The following DLG2 variants were observed in gnomAD, a reference collection of about 807,000 sequenced individuals.
DLG2 encodes the protein disks large homolog 2.
Under a neutral mutation model 132.5 loss-of-function variants are expected in DLG2, and 45 were observed. The ratio of observed to expected loss-of-function variants is 0.34; its 90% CI spans 0.27 to 0.44. The LOEUF is 0.44. Among genes scored for constraint, DLG2 ranks in the 20% least tolerant of loss-of-function variants. The pLI is 1.00. For missense variants in DLG2, 1,045 were observed against 1,196.9 expected (o/e 0.87, Z 1.87); for synonymous variants, 424 against 419.6 (o/e 1.01, Z -0.13).
At chr11:84,591,311 C>T (rs543059204) in intron 6 of DLG2, among the ~76,000 whole-genome samples, 57 of 145,024 alleles carry the variant, frequency 3.9e-4, no homozygotes, top group African/African-American at 1.4e-3. Flanking sequence ...AAGACCATGC[C>T]TTGTTTTTTT....
At chr11:84,502,397 T>G (rs957401145) in intron 7 of DLG2, among the ~76,000 whole-genome samples, 4 of 106,042 alleles carry the variant, frequency 3.8e-5, no homozygotes, top group Admixed American at 1.0e-4. Context: ...TTTCTTTCTT[T>G]CTTTCTTTCT....
At chr11:84,365,648 G>T (rs1334663724) in intron 7 of DLG2, among the ~76,000 whole-genome samples, 1 of 151,792 alleles carries the variant, frequency 6.6e-6, no homozygotes, top group African/African-American at 2.4e-5. Context: ...TGTGGGCATT[G>T]AGTGCTATAA....
intron 16 of DLG2, among the ~76,000 whole-genome samples, chr11:83,838,817 G>T (rs1235078642): frequency 2.0e-5 from 3 of 150,614 alleles, no homozygotes; most frequent in African/African-American, 7.3e-5. Flanking sequence ...TACCACATTT[G>T]CACTTCTTAT....
Position 85,004,687 on chromosome 11 carries a change from GT to G in DLG2, c.357+106973del, listed in dbSNP as rs566582261. 5.8e-4 allele frequency among the ~76,000 whole-genome samples: 88 copies of G among 151,968 alleles called. 1 individual carries two copies. The highest frequency in any genetic ancestry group is 1.9e-3 in the African/African-American group (78 of 41,450). On this transcript the variant is annotated intron_variant, in intron 6 of 27. Transcript: ENST00000376104. ...AGACTGCCTGTTCACTCTGATAATA[GT>G]TTTTTTTAATTATTTTGCTATGCAG...
At chr11:84,386,820 G>T (rs11234006) in intron 7 of DLG2, among the ~76,000 whole-genome samples, 5,253 of 151,952 alleles carry the variant, frequency 0.035, 135 homozygotes, top group Middle Eastern at 0.061. Context: ...TTTTATATTT[G>T]TATCGTCTTG....
chr11:85,471,796 G>A (rs865954537), intron 3 of DLG2, among the ~76,000 whole-genome samples: 1 of 151,998 alleles, frequency 6.6e-6, no homozygotes, highest in South Asian at 2.1e-4. Context: ...GCTAAAGGAA[G>A]AAAATTTTTA....
intron 11 of DLG2, among the ~76,000 whole-genome samples, chr11:84,049,874 C>G (rs1194383483): frequency 6.6e-6 from 1 of 151,720 alleles, no homozygotes; most frequent in African/African-American, 2.4e-5. Flanking sequence ...GAAGTTAACA[C>G]TGAACTGGCT....
intron 3 of DLG2, 125 bp from the exon 4 acceptor site, chr11:85,285,490 T>A: frequency 1.3e-6 from 1 of 796,504 alleles, no homozygotes; most frequent in Non-Finnish European, 1.9e-6. Context: ...TAAATATATA[T>A]CCCAAAGTAA....
chr11:83,732,481 C>A (rs184456083), intron 18 of DLG2, among the ~76,000 whole-genome samples: 6 of 152,216 alleles, frequency 3.9e-5, no homozygotes, highest in Admixed American at 3.9e-4. Context: ...ATAATAAACT[C>A]ACAGATAACC....
intron 6 of DLG2, among the ~76,000 whole-genome samples, chr11:85,067,888 T>C (rs544521463): frequency 3.3e-5 from 5 of 152,164 alleles, no homozygotes; most frequent in African/African-American, 1.2e-4. Flanking sequence ...TGAACATCGA[T>C]GCAAAAATCT....
rs984190432 is a variant in DLG2 at position 83,590,717 on chromosome 11, G to A, written c.1940+42494C>T. 2.0e-4 allele frequency among the ~76,000 whole-genome samples: 31 copies of A among 152,060 alleles called. 1 individual carries two copies. Among genetic ancestry groups the A allele is most frequent in the African/African-American group, 6.5e-4 (27 of 41,516 alleles). On this transcript the variant is annotated intron_variant, in intron 19 of 27. Transcript: ENST00000376104. ...GAATCCAGGAGCTGGTTTTTTGAAA[G>A]GATCAACAAAATTGATAGACCGCTA...
At chr11:84,335,444 A>G (rs895333849) in intron 7 of DLG2, among the ~76,000 whole-genome samples, 4 of 152,240 alleles carry the variant, frequency 2.6e-5, no homozygotes, top group Admixed American at 1.3e-4. Flanking sequence ...GGGAACTGCT[A>G]CAATATTTGA....
At chr11:85,577,709 T>A (rs1256323175) in intron 3 of DLG2, among the ~76,000 whole-genome samples, 6 of 152,030 alleles carry the variant, frequency 3.9e-5, no homozygotes, top group East Asian at 3.9e-4. Flanking sequence ...ATAATTTTTT[T>A]AAAAATGAGG....
At chr11:83,970,017 A>C (rs1375046054) in intron 12 of DLG2, among the ~76,000 whole-genome samples, 2 of 152,226 alleles carry the variant, frequency 1.3e-5, no homozygotes, top group Admixed American at 6.5e-5. Context: ...AGAGAACAGA[A>C]GAGAAACAGT....
chr11:84,498,304 C>T (rs79785417), intron 7 of DLG2, among the ~76,000 whole-genome samples: 1 of 152,206 alleles, frequency 6.6e-6, no homozygotes, highest in East Asian at 1.9e-4. Flanking sequence ...GTAATAAGTA[C>T]TTACTTATTC....
At chr11:83,918,008 G>C (rs1342211931) in intron 15 of DLG2, among the ~76,000 whole-genome samples, 1 of 152,134 alleles carries the variant, frequency 6.6e-6, no homozygotes, top group Non-Finnish European at 1.5e-5. Context: ...AGCTGATTTT[G>C]AACCTACCAA....
intron 7 of DLG2, among the ~76,000 whole-genome samples, chr11:84,378,659 G>A (rs962427745): frequency 6.6e-5 from 10 of 151,912 alleles, no homozygotes; most frequent in African/African-American, 2.2e-4. Flanking sequence ...GGCCAGGCGC[G>A]GTGGCTCACA....
chr11:84,056,605 CT>C (rs1448687476), intron 11 of DLG2, among the ~76,000 whole-genome samples: 1 of 152,062 alleles, frequency 6.6e-6, no homozygotes, highest in African/African-American at 2.4e-5. Flanking sequence ...TAGGAATTCC[CT>C]TTACACATAT....
At chr11:84,027,815 T>G (rs2095579072) in intron 11 of DLG2, among the ~76,000 whole-genome samples, 1 of 152,062 alleles carries the variant, frequency 6.6e-6, no homozygotes, top group Non-Finnish European at 1.5e-5. Context: ...AGAGTGATAT[T>G]CCTTCCATAA....
Sources: allele counts gnomAD v4.1 joint callset (sites outside exome capture counted in the v4.1 genomes callset), GRCh38; gene constraint gnomAD v4.1.1; transcripts MANE v1.5; gene names NCBI Gene and HGNC (gene_info 2026-07-23, HGNC 2026-07-21).